VOPP1: variants seen among roughly 807,000 people sequenced by gnomAD.
VOPP1 encodes the protein VOPP1 WW domain binding protein.
VOPP1 carries 8 observed loss-of-function variants against 23.5 expected under a neutral mutation model. The ratio of observed to expected loss-of-function variants is 0.34; its 90% CI spans 0.20 to 0.61. The LOEUF is 0.61. Among genes scored for constraint, VOPP1 ranks in the 20% least tolerant of loss-of-function variants. VOPP1 has a pLI of 0.78. For synonymous variants in VOPP1, 83 were observed against 97.3 expected, an observed-to-expected ratio of 0.85 and a Z score of 0.86; for missense variants, 174 against 238.1, an observed-to-expected ratio of 0.73 and a Z score of 1.77.
At chr7:55,526,186 C>T (rs1562957018) in intron 1 of VOPP1, among the ~76,000 whole-genome samples, 1 of 152,212 alleles carries the variant, frequency 6.6e-6, no homozygotes, top group Non-Finnish European at 1.5e-5. Context: ...GGTGTGGGCT[C>T]ACAAGGAAAC....
intron 3 of VOPP1, among the ~76,000 whole-genome samples, 175 bp downstream of exon 3, chr7:55,497,438 T>G (rs376007671): frequency 5.3e-5 from 8 of 151,796 alleles, no homozygotes; most frequent in African/African-American, 1.9e-4. Context: ...ACAAACCCCA[T>G]GCGTGCAACT....
intron 4 of VOPP1, among the ~76,000 whole-genome samples, chr7:55,464,605 C>G (rs1791587312): frequency 6.6e-6 from 1 of 152,180 alleles, no homozygotes; most frequent in African/African-American, 2.4e-5. Context: ...TGATTCCCTG[C>G]AGCATAGAAT....
chr7:55,522,143 G>A (rs34225628), intron 1 of VOPP1, among the ~76,000 whole-genome samples: 2 of 152,142 alleles, frequency 1.3e-5, no homozygotes, highest in African/African-American at 2.4e-5. Context: ...CTCCCTCCTA[G>A]CCTGTCCGCA....
At chr7:55,511,808 T>C (rs1457734795) in intron 2 of VOPP1, among the ~76,000 whole-genome samples, 1 of 152,202 alleles carries the variant, frequency 6.6e-6, no homozygotes, top group Non-Finnish European at 1.5e-5. Context: ...CTGCCTAAAA[T>C]ATATAAAACC....
intron 1 of VOPP1, among the ~76,000 whole-genome samples, chr7:55,534,341 G>A (rs566845133): frequency 6.6e-6 from 1 of 152,186 alleles, no homozygotes; most frequent in South Asian, 2.1e-4. Flanking sequence ...AAACCCTCGG[G>A]TCTCAGCTAG....
At chr7:55,468,394 T>C (rs1419048108), downstream of VOPP1, among the ~76,000 whole-genome samples, 7 of 151,964 alleles carry the variant, frequency 4.6e-5, no homozygotes, top group Non-Finnish European at 1.0e-4. Flanking sequence ...AAGTGGCCCA[T>C]GGTGGCAGTG....
chr7:55,461,925 G>T (rs1402232279), intron 4 of VOPP1, among the ~76,000 whole-genome samples: 2 of 152,020 alleles, frequency 1.3e-5, no homozygotes, highest in African/African-American at 2.4e-5. Context: ...TTTCTCATTT[G>T]TATCTGCTCC....
chr7:55,495,241 C>T (rs1056507363), intron 3 of VOPP1, among the ~76,000 whole-genome samples: 1 of 152,160 alleles, frequency 6.6e-6, no homozygotes, highest in East Asian at 1.9e-4. Context: ...AGGGTGCCAT[C>T]GGTCCACCTT....
chr7:55,529,185 C>T (rs915880683), intron 1 of VOPP1, among the ~76,000 whole-genome samples: 2 of 152,062 alleles, frequency 1.3e-5, no homozygotes, highest in Non-Finnish European at 2.9e-5. Context: ...GGAGACCATC[C>T]TGGCTAACAC....
At chr7:55,568,684 A>G (rs954076419) in intron 1 of VOPP1, among the ~76,000 whole-genome samples, 8 of 152,244 alleles carry the variant, frequency 5.3e-5, no homozygotes, top group Non-Finnish European at 1.0e-4. Context: ...GAATGCAGTG[A>G]CAATATCTAG....
At chr7:55,491,373 T>C (rs1325880241) in intron 4 of VOPP1, among the ~76,000 whole-genome samples, 1 of 152,252 alleles carries the variant, frequency 6.6e-6, no homozygotes, top group Non-Finnish European at 1.5e-5. Context: ...AGGCATCCAC[T>C]GCTCCTAGAA....
At chr7:55,539,116 A>G (rs912165416) in intron 1 of VOPP1, among the ~76,000 whole-genome samples, 1 of 151,708 alleles carries the variant, frequency 6.6e-6, no homozygotes, top group Admixed American at 6.6e-5. Flanking sequence ...GGCCGAGGCA[A>G]GCGGATCACC....
chr7:55,507,275 T>A (rs1794789213), intron 2 of VOPP1, among the ~76,000 whole-genome samples: 1 of 152,168 alleles, frequency 6.6e-6, no homozygotes, highest in Admixed American at 6.5e-5. Context: ...CTCAGGAGAT[T>A]TCAGTACACG....
intron 2 of VOPP1, among the ~76,000 whole-genome samples, chr7:55,517,720 T>C (rs1795559487): frequency 6.6e-6 from 1 of 152,128 alleles, no homozygotes; most frequent in Admixed American, 6.5e-5. Flanking sequence ...AGTAGGGGTG[T>C]AGCCGCCGTC....
chr7:55,508,873 CT>C (rs944810701), intron 2 of VOPP1, among the ~76,000 whole-genome samples: 2 of 152,144 alleles, frequency 1.3e-5, no homozygotes, highest in Non-Finnish European at 1.5e-5. Context: ...GAGATCCTGT[CT>C]CTATAAAAAA....
intron 4 of VOPP1, among the ~76,000 whole-genome samples, chr7:55,455,852 A>C (rs1176297088): frequency 1.3e-5 from 2 of 152,224 alleles, no homozygotes; most frequent in Non-Finnish European, 2.9e-5. Flanking sequence ...TAAAAACCCT[A>C]GAAGAAAACC....
intron 4 of VOPP1, among the ~76,000 whole-genome samples, chr7:55,476,612 G>T (rs1792277989): frequency 6.6e-6 from 1 of 152,242 alleles, no homozygotes; most frequent in Admixed American, 6.5e-5. Flanking sequence ...GTTACACCAG[G>T]ATCCCCACAC....
At chr7:55,533,822 C>A (rs963039435) in intron 1 of VOPP1, among the ~76,000 whole-genome samples, 4 of 152,206 alleles carry the variant, frequency 2.6e-5, no homozygotes, top group Admixed American at 2.6e-4. Flanking sequence ...TGGGGACTGA[C>A]CTTCATATCC....
intron 4 of VOPP1, among the ~76,000 whole-genome samples, chr7:55,448,628 C>A (rs1446433280): frequency 6.6e-6 from 1 of 152,210 alleles, no homozygotes; most frequent in Non-Finnish European, 1.5e-5. Context: ...GAATCCTCCG[C>A]GGGATCCTCC....
Sources: gnomAD v4.1 joint callset for allele counts (sites outside exome capture counted in the v4.1 genomes callset) on GRCh38, gnomAD v4.1.1 for gene constraint, MANE v1.5 for transcripts, NCBI Gene and HGNC (gene_info 2026-07-23, HGNC 2026-07-21) for gene names.